The following LEF1 variants were observed in gnomAD, a reference collection of about 807,000 sequenced individuals.
LEF1 encodes lymphoid enhancer-binding factor 1.
LEF1 carries 14 observed loss-of-function variants against 51.2 expected under a neutral mutation model. The ratio of observed to expected loss-of-function variants is 0.27; its 90% CI spans 0.18 to 0.43. The LOEUF is 0.43. Ranked by LOEUF, LEF1 falls within the 20% of genes least tolerant of loss-of-function variation. The pLI, the probability that LEF1 is intolerant of heterozygous loss-of-function variation, is 1.00. For synonymous variants in LEF1, 185 were observed against 183.2 expected, an observed-to-expected ratio of 1.01 and a Z score of -0.08; for missense variants, 386 against 512.0, an observed-to-expected ratio of 0.75 and a Z score of 2.37.
chr4:108,135,864 G>A (rs1180266863), intron 3 of LEF1, among the ~76,000 whole-genome samples: 3 of 152,228 alleles, frequency 2.0e-5, no homozygotes, highest in South Asian at 2.1e-4. Context: ...CCATGGGCTG[G>A]CTCCAAGAAC....
chr4:108,125,526 C>A (rs1381242026), intron 3 of LEF1, among the ~76,000 whole-genome samples: 1 of 152,152 alleles, frequency 6.6e-6, no homozygotes, highest in East Asian at 1.9e-4. Context: ...CACATGCTAT[C>A]ATTTTCCAGT....
chr4:108,134,316 C>T lies in LEF1; in HGVS notation c.414+29252G>A, dbSNP rs530880035. ...CAGTCCTTCCACTATTGGAAGACAG[C>T]TCTTACACTTCTCCCTTATCCACTG... On this transcript the variant is annotated intron_variant, in intron 3 of 11. Coordinates refer to ENST00000265165, the MANE Select transcript of LEF1 (RefSeq NM_016269.5). 4.8e-4 allele frequency among the ~76,000 whole-genome samples: 73 copies of T among 152,356 alleles called. 3 individuals carry two copies. In the South Asian group the frequency reaches 0.015, roughly 31 times the overall value.
At chr4:108,049,203 G>A (rs935562270) in intron 11 of LEF1, among the ~76,000 whole-genome samples, 1 of 152,136 alleles carries the variant, frequency 6.6e-6, no homozygotes, top group African/African-American at 2.4e-5. Flanking sequence ...ATTACCCAAC[G>A]CACTGCCAAC....
At chr4:108,054,643 CT>C (rs1737208032) in intron 11 of LEF1, among the ~76,000 whole-genome samples, 1 of 152,194 alleles carries the variant, frequency 6.6e-6, no homozygotes, top group Non-Finnish European at 1.5e-5. Flanking sequence ...AAGATTCATA[CT>C]ATTACAGAAC....
intron 3 of LEF1, among the ~76,000 whole-genome samples, chr4:108,108,477 C>T (rs1193153500): frequency 9.2e-5 from 14 of 151,990 alleles, no homozygotes; most frequent in Non-Finnish European, 1.6e-4. Context: ...TCCTATCCAA[C>T]CTAAAGCATG....
At chr4:108,138,966 G>A (rs573090947) in intron 3 of LEF1, among the ~76,000 whole-genome samples, 1 of 152,348 alleles carries the variant, frequency 6.6e-6, no homozygotes, top group South Asian at 2.1e-4. Context: ...ATTACGGATA[G>A]GAAATGGTAG....
At chr4:108,144,083 A>G (rs1338146719) in intron 3 of LEF1, among the ~76,000 whole-genome samples, 2 of 152,152 alleles carry the variant, frequency 1.3e-5, no homozygotes, top group Non-Finnish European at 2.9e-5. Flanking sequence ...AAGCCGGTTG[A>G]GGAGCAGGAG....
intron 3 of LEF1, among the ~76,000 whole-genome samples, chr4:108,091,458 A>T (rs1017876408): frequency 4.6e-5 from 7 of 151,884 alleles, no homozygotes; most frequent in Admixed American, 3.3e-4. Flanking sequence ...GGGGGGGAAA[A>T]AAAAGGAAAA....
intron 3 of LEF1, among the ~76,000 whole-genome samples, chr4:108,163,042 A>G (rs1745159000): frequency 6.6e-6 from 1 of 152,232 alleles, no homozygotes; most frequent in Non-Finnish European, 1.5e-5. Context: ...TGCTTTCTCA[A>G]CAATTGACAA....
In LEF1 at chr4:108,167,806, C is replaced by T. The variant is rs1313992180; in HGVS notation, c.-39G>A. On this transcript the variant is annotated 5_prime_UTR_variant, in exon 1 of 12. The change creates a new upstream start codon in the 5' untranslated region. Transcript: ENST00000265165. This position sits in a 1 kb window ranked among gnomAD's most constrained non-coding sequence, Gnocchi z 5.7. Reference sequence around the variant, plus strand: ...TAATCTCCGCTCCGCTGTGGGAGCACCCGCGCAACAGCAGGAAAGACAGAG... The same window carrying T: ...TAATCTCCGCTCCGCTGTGGGAGCATCCGCGCAACAGCAGGAAAGACAGAG... The T allele has an allele frequency of 1.3e-6, 2 of 1,567,020 alleles. No homozygotes were observed. The highest frequency in any genetic ancestry group is 1.7e-6 in the Non-Finnish European group (2 of 1,146,384).
At chr4:108,075,703 A>C (rs1738812603) in intron 8 of LEF1, among the ~76,000 whole-genome samples, 1 of 152,216 alleles carries the variant, frequency 6.6e-6, no homozygotes, top group South Asian at 2.1e-4. Context: ...AGGACTGACT[A>C]TGTATGTCTT....
At chr4:108,166,438 G>A in intron 1 of LEF1, 2 of 1,409,830 alleles carry the variant, frequency 1.4e-6, no homozygotes, top group Non-Finnish European at 9.2e-7. Context: ...GGGAAAAGGC[G>A]TTGGTTAAAT....
rs1452241070 is a variant in LEF1, at chr4:108,058,312, ATAAAG to A, written c.*6+5306_*6+5310del. On this transcript the variant is annotated intron_variant, in intron 11 of 11. Coordinates refer to ENST00000265165, the MANE Select transcript of LEF1 (RefSeq NM_016269.5). ...TGGTAGGCTTTTTATATTTGTTTTG[ATAAAG>A]TAAATATTAATAAGCCAATTTTGAA... Among the ~76,000 whole-genome samples, 7 of 152,254 alleles carry A rather than the reference ATAAAG, an allele frequency of 4.6e-5. No homozygotes were observed. In the East Asian group the frequency reaches 9.6e-4, roughly 21 times the overall value.
intron 6 of LEF1, 141 bp downstream of exon 6, chr4:108,081,445 G>A: frequency 6.1e-6 from 4 of 654,914 alleles, no homozygotes; most frequent in Non-Finnish European, 1.1e-5. Flanking sequence ...CCTAGTGTGG[G>A]AGCCAGGCAC....
At chr4:108,137,205 A>C (rs1261210011) in intron 3 of LEF1, among the ~76,000 whole-genome samples, 1 of 152,204 alleles carries the variant, frequency 6.6e-6, no homozygotes, top group African/African-American at 2.4e-5. Flanking sequence ...TTTCCTATTA[A>C]AACAGAAAGT....
At position 108,063,615 on chromosome 4, in the gene LEF1, G is replaced by T; in HGVS notation, c.*6+8C>A. ...ACGTCAGCAGTAGGACCAGAGAGTC[G>T]TTCTTACCATGTTTCAGATGTAGGC... On this transcript the variant is annotated splice_region_variant and intron_variant, in intron 11 of 11. Coordinates refer to ENST00000265165, the MANE Select transcript of LEF1 (RefSeq NM_016269.5). 1 of 1,591,518 alleles carries T rather than the reference G, an allele frequency of 6.3e-7. No individual in the cohort carries two copies. The highest frequency in any genetic ancestry group is 2.3e-5 in the East Asian group (1 of 43,988).
chr4:108,128,715 T>G (rs1742693472), intron 3 of LEF1, among the ~76,000 whole-genome samples: 1 of 152,210 alleles, frequency 6.6e-6, no homozygotes, highest in African/African-American at 2.4e-5. Flanking sequence ...ACCTATTGAT[T>G]ATTATAATCC....
chr4:108,091,260 G>A (rs990569215), intron 3 of LEF1, among the ~76,000 whole-genome samples: 1 of 151,994 alleles, frequency 6.6e-6, no homozygotes, highest in Non-Finnish European at 1.5e-5. Context: ...GTGTATGGTG[G>A]CTGTACCTAC....
chr4:108,066,488 G>A lies in LEF1; in HGVS notation c.1117-2104C>T, dbSNP rs1738088444. ...CTGAATGCCTCACAGGTGCTATAAT[G>A]GGCTCTGTCCCCAGAGCACCACCTG... On this transcript the variant is annotated intron_variant, in intron 9 of 11. Coordinates refer to ENST00000265165, the MANE Select transcript of LEF1 (RefSeq NM_016269.5). Among the ~76,000 whole-genome samples, 4 of 152,008 alleles carry A rather than the reference G, an allele frequency of 2.6e-5. 2 individuals carry two copies. Among genetic ancestry groups the A allele is most frequent in the Admixed American group, 2.6e-4 (4 of 15,258 alleles).
Sources: allele counts gnomAD v4.1 joint callset (sites outside exome capture counted in the v4.1 genomes callset), GRCh38; gene constraint gnomAD v4.1.1; non-coding constraint Gnocchi (gnomAD v3.1); transcripts MANE v1.5; gene names NCBI Gene and HGNC (gene_info 2026-07-23, HGNC 2026-07-21).